Variants in MIA2 observed in about 807,000 individuals in gnomAD.
MIA2 encodes melanoma inhibitory activity protein 2.
In MIA2, 127 loss-of-function variants were observed where a neutral mutation model predicts 167.8. That is an observed-to-expected ratio of 0.76 (90% confidence interval 0.66 to 0.88). The LOEUF is 0.88. MIA2 is among the 40% of genes least tolerant of loss of function. MIA2 has a pLI of 0.00. For missense variants in MIA2, 1,690 were observed against 1,624.7 expected (o/e 1.04, Z -0.69); for synonymous variants, 552 against 541.9 (o/e 1.02, Z -0.26).
At chr14:39,311,656 T>A (rs28619058) in intron 18 of MIA2, among the ~76,000 whole-genome samples, 82,417 of 149,534 alleles carry the variant, frequency 0.55, 24,292 homozygotes, top group South Asian at 0.67. Context: ...TTATTTATTT[T>A]TTTTTGTATT....
chr14:39,386,177 C>T, intron 23 of MIA2: 1 of 1,388,172 alleles, frequency 7.2e-7, no homozygotes, highest in Non-Finnish European at 1.0e-6. Flanking sequence ...AGAGGTCTTG[C>T]CCTTGCTGGG....
chr14:39,292,997 A>G (rs1280980297), intron 10 of MIA2, among the ~76,000 whole-genome samples: 1 of 152,026 alleles, frequency 6.6e-6, no homozygotes, highest in East Asian at 1.9e-4. Context: ...ATGCTCATTT[A>G]TGTAGGTATT....
downstream of MIA2, among the ~76,000 whole-genome samples, chr14:39,355,327 G>T (rs2074493549): frequency 6.6e-6 from 1 of 151,452 alleles, no homozygotes; most frequent in African/African-American, 2.4e-5. Context: ...CAATTGTGGA[G>T]TTCACTCATG....
At chr14:39,352,743 A>G, downstream of MIA2, among the ~76,000 whole-genome samples, 1 of 152,302 alleles carries the variant, frequency 6.6e-6, no homozygotes, top group East Asian at 1.9e-4. Context: ...TTACATTTTT[A>G]AGGTTATTTA....
intron 19 of MIA2, 34 bp downstream of exon 19, chr14:39,313,475 A>C (rs1555389387): frequency 8.0e-7 from 1 of 1,248,108 alleles, no homozygotes; most frequent in South Asian, 1.5e-5. Context: ...TCTTTTTTGG[A>C]ATGGGAAGAG....
chr14:39,355,367 G>A (rs1335882824), downstream of MIA2, among the ~76,000 whole-genome samples: 2 of 152,178 alleles, frequency 1.3e-5, no homozygotes, highest in African/African-American at 4.8e-5. Context: ...TATTATTGGT[G>A]TATAAGAATG....
At chr14:39,274,121 T>C (rs961294181) in intron 6 of MIA2, among the ~76,000 whole-genome samples, 1 of 152,232 alleles carries the variant, frequency 6.6e-6, no homozygotes, top group African/African-American at 2.4e-5. Context: ...TTAGTACTCA[T>C]GTTTTGGAAA....
intron 25 of MIA2, among the ~76,000 whole-genome samples, chr14:39,330,641 C>A (rs1368997552): frequency 2.0e-5 from 3 of 151,754 alleles, no homozygotes; most frequent in Non-Finnish European, 4.4e-5. Flanking sequence ...TTAGCTGTGT[C>A]CCAGAGATTC....
chr14:39,266,008 G>C, intron 6 of MIA2: 1 of 985,426 alleles, frequency 1.0e-6, no homozygotes, highest in Non-Finnish European at 1.2e-6. Context: ...AAGCTAGGCC[G>C]CATTTTGGTC....
chr14:39,325,570 T>C (rs1218674624), intron 24 of MIA2, among the ~76,000 whole-genome samples: 1 of 150,624 alleles, frequency 6.6e-6, no homozygotes, highest in Non-Finnish European at 1.5e-5. Flanking sequence ...GGTTTCACCT[T>C]GTTAGCCAGG....
Position 39,294,081 on chromosome 14 carries a change from A to G in MIA2, c.2391+10A>G. ...ATCACAAGTAGCTGAAGTAAGTTGA[A>G]TTAGTCTAGTAGGTCTGTTGCTTTT... On this transcript the variant is annotated intron_variant, in intron 12 of 28. Coordinates refer to ENST00000640607, the MANE Select transcript of MIA2 (RefSeq NM_001329214.4). 1 of 1,583,702 alleles carries G rather than the reference A, an allele frequency of 6.3e-7. No individual in the cohort carries two copies. The highest frequency in any genetic ancestry group is 8.7e-7 in the Non-Finnish European group (1 of 1,155,228).
At chr14:39,298,445 A>G (rs8007582) in intron 13 of MIA2, among the ~76,000 whole-genome samples, 2,971 of 101,244 alleles carry the variant, frequency 0.029, 432 homozygotes, top group Non-Finnish European at 0.04. Context: ...ATATATATAA[A>G]GATTAGTTTT....
At chr14:39,339,305 C>T (rs2071237608) in intron 25 of MIA2, among the ~76,000 whole-genome samples, 1 of 152,126 alleles carries the variant, frequency 6.6e-6, no homozygotes, top group South Asian at 2.1e-4. Flanking sequence ...CTGTAGATGA[C>T]TACATACATT....
chr14:39,314,307 A>G (rs1034380535), intron 19 of MIA2, among the ~76,000 whole-genome samples: 1 of 151,996 alleles, frequency 6.6e-6, no homozygotes, highest in Non-Finnish European at 1.5e-5. Flanking sequence ...GAATCATTTG[A>G]ACCCTGGAGG....
At chr14:39,386,971 T>G (rs1161855895) in exon 24 of MIA2, 5 of 779,876 alleles carry the variant, frequency 6.4e-6, no homozygotes, top group Non-Finnish European at 1.1e-5. Context: ...CATTGGCGGA[T>G]GAGACTAACG....
rs34761053 is a variant in MIA2 at position 39,299,918 on chromosome 14, A to C, written c.2551A>C (p.Lys851Gln). Reference protein sequence around the residue: ...KEQVSELNKQKVTFEDSKVHA... With the variant: ...KEQVSELNKQQVTFEDSKVHA... ...ACAAGTGAGTGAACTTAATAAACAGAAAGTAACATTTGAAGACTCCAAAGT... is the reference window on the plus strand; with the variant it reads ...ACAAGTGAGTGAACTTAATAAACAGCAAGTAACATTTGAAGACTCCAAAGT... Residue 851 changes from lysine to glutamine, a missense_variant, in exon 14 of 29, where the codon AAA becomes CAA. Coordinates refer to ENST00000640607, the MANE Select transcript of MIA2 (RefSeq NM_001329214.4). The C allele has an allele frequency of 5.9e-3, 9,482 of 1,609,792 alleles. 39 individuals carry two copies. The highest frequency in any genetic ancestry group is 6.9e-3 in the Non-Finnish European group (8,130 of 1,178,834).
At chr14:39,386,622 T>TTTCTTTTTG in intron 23 of MIA2, 5 of 1,050,938 alleles carry the variant, frequency 4.8e-6, no homozygotes, top group Non-Finnish European at 7.1e-6. Flanking sequence ...TTTTCTTTTT[T>TTTCTTTTTG]TTTGGCTGGC....
intron 27 of MIA2, 47 bp downstream of exon 27, chr14:39,347,818 CTTTTTTTTTTTT>C (rs59832680): frequency 4.2e-6 from 3 of 706,362 alleles, no homozygotes; most frequent in Admixed American, 4.6e-5. Flanking sequence ...CAGAAGCCTT[CTTTTTTTTTTTT>C]TTTTTTTTTT....
chr14:39,315,138 AAAAAAAAAT>A, intron 20 of MIA2: 1 of 172,850 alleles, frequency 5.8e-6, no homozygotes, highest in Non-Finnish European at 1.2e-5. Context: ...AAAAAAAAAA[AAAAAAAAAT>A]ACAAAAATAG....
Sources: gnomAD v4.1 joint callset for allele counts (sites outside exome capture counted in the v4.1 genomes callset) on GRCh38, gnomAD v4.1.1 for gene constraint, MANE v1.5 for transcripts, NCBI Gene and HGNC (gene_info 2026-07-23, HGNC 2026-07-21) for gene names.